Variants in SNX33 observed in about 807,000 individuals in gnomAD.
The protein encoded by SNX33 is sorting nexin 33.
Under a neutral mutation model 38.8 loss-of-function variants are expected in SNX33, and 19 were observed. That is an observed-to-expected ratio of 0.49 (90% CI 0.34 to 0.72). The LOEUF (loss-of-function observed/expected upper bound fraction) is 0.72. SNX33 is among the 30% of genes least tolerant of loss of function. The pLI, the probability that SNX33 is intolerant of heterozygous loss-of-function variation, is 0.01. For missense variants in SNX33, 641 were observed against 776.4 expected, an observed-to-expected ratio of 0.83 and a Z score of 2.07; for synonymous variants, 246 against 289.7, an observed-to-expected ratio of 0.85 and a Z score of 1.53.
chr15:75,657,080 G>T lies in SNX33; in HGVS notation c.1590G>T (p.Glu530Asp), dbSNP rs758795346. 6.2e-7 allele frequency: 1 copy of T among 1,614,206 alleles called. No individual in the cohort carries two copies. Among genetic ancestry groups the T allele is most frequent in the Admixed American group, 1.7e-5 (1 of 60,032 alleles). Residue 530 changes from glutamate (E) to aspartate (D), a missense_variant, in exon 2 of 2, where the codon GAG becomes GAT. Around this residue, in one of 2 missense-constraint regions of SNX33, gnomAD observed 398 missense variants for 542.5 expected, o/e 0.73. Transcript: ENST00000308527. This position sits in a 1 kb window ranked among gnomAD's most constrained non-coding sequence, Gnocchi z 5.5. ...TGGTGGGTTTCGCCCTGCAGGCCGAGATGAACCACTTCCACCAGCGCCGTG... is the reference window on the plus strand; with the variant it reads ...TGGTGGGTTTCGCCCTGCAGGCCGATATGAACCACTTCCACCAGCGCCGTG... ...CRVVGFALQA[E>D]MNHFHQRREL... is the part of the protein sequence containing the mutation.
At position 75,649,602 on chromosome 15, in the gene SNX33, A is replaced by G. The variant is rs989777038; in HGVS notation, c.500A>G (p.Gln167Arg). The G allele has an allele frequency of 6.2e-7, 1 of 1,613,874 alleles. No individual in the cohort carries two copies. Reference sequence around the variant, plus strand: ...CGGCCCAAGCCACCACTGGAGCGGCAGGACAGCCTGGCATCTGCCAAGCGA... The same window carrying G: ...CGGCCCAAGCCACCACTGGAGCGGCGGGACAGCCTGGCATCTGCCAAGCGA... ...AFRPKPPLER[Q>R]DSLASAKRGS... The change falls in exon 1 of 2, where the codon CAG becomes CGG. Residue 167 changes from glutamine to arginine, a missense_variant. This residue lies in a region of SNX33 where 243 missense variants were observed against 233.9 expected (regional missense o/e 1.04). Transcript: ENST00000308527. The surrounding 1 kb of genome is among the most constrained non-coding windows in gnomAD (Gnocchi z 6.6).
Position 75,657,334 on chromosome 15 carries a change from G to C in SNX33, c.*119G>C. 6.7e-7 allele frequency: 1 copy of C among 1,503,042 alleles called. No homozygotes were observed. Among genetic ancestry groups the C allele is most frequent in the South Asian group, 1.2e-5 (1 of 80,102 alleles). 93.1% of individuals were successfully genotyped at this position (1,503,042 alleles called of 1,614,324 possible). On this transcript the variant is annotated 3_prime_UTR_variant, in exon 2 of 2. Coordinates refer to ENST00000308527, the MANE Select transcript of SNX33 (RefSeq NM_153271.2). The surrounding 1 kb of genome is among the most constrained non-coding windows in gnomAD (Gnocchi z 5.5). Reference sequence around the variant, plus strand: ...GGGGTCAGCGGTGGGGGAGATAAGCGGCCTGTCCTGCCTCCTGGGAGAAGG... The same window carrying C: ...GGGGTCAGCGGTGGGGGAGATAAGCCGCCTGTCCTGCCTCCTGGGAGAAGG...
rs915146985 is a variant in SNX33, at chr15:75,662,098, A to G, written c.*4883A>G. On this transcript the variant is annotated 3_prime_UTR_variant, in exon 2 of 2. Coordinates refer to ENST00000308527, the MANE Select transcript of SNX33 (RefSeq NM_153271.2). ...ATGGTAGAAGTGTAATCTCACATCAATTTGGGGACCCTTTCTTTCCCCAGG... is the reference window on the plus strand; with the variant it reads ...ATGGTAGAAGTGTAATCTCACATCAGTTTGGGGACCCTTTCTTTCCCCAGG... The G allele has an allele frequency of 7.2e-5, 11 of 152,136 alleles. No individual in the cohort carries two copies. Among genetic ancestry groups the G allele is most frequent in the African/African-American group, 1.2e-4 (5 of 41,418 alleles). The allele number at this position is 152,136 out of a possible 1,614,324, so 9.4% of individuals were successfully genotyped here.
Position 75,649,920 on chromosome 15 carries a change from T to C in SNX33, c.818T>C (p.Leu273Pro). Residue 273 changes from leucine (L) to proline (P), a missense_variant, in exon 1 of 2, where the codon CTC (leucine) becomes CCC (proline). Around this residue, in one of 2 missense-constraint regions of SNX33, gnomAD observed 398 missense variants for 542.5 expected, o/e 0.73. Coordinates refer to ENST00000308527, the MANE Select transcript of SNX33 (RefSeq NM_153271.2). The surrounding 1 kb of genome is among the most constrained non-coding windows in gnomAD (Gnocchi z 6.6). ...VYRRYKHFDW[L>P]YNRLLHKFTV... Reference sequence around the variant, plus strand: ...CGGCGCTACAAACACTTTGACTGGCTCTATAACCGCCTGCTACACAAGTTC... The same window carrying C: ...CGGCGCTACAAACACTTTGACTGGCCCTATAACCGCCTGCTACACAAGTTC... 1 of 1,594,190 alleles carries C rather than the reference T, an allele frequency of 6.3e-7. No individual in the cohort carries two copies. Among genetic ancestry groups the C allele is most frequent in the Non-Finnish European group, 8.5e-7 (1 of 1,170,764 alleles).
Position 75,650,708 on chromosome 15 carries a change from G to T in SNX33, c.1471+135G>T. ...TCTCAATCATTCATTTAACAAATGT[G>T]TTGGGCTGGGCACGGTGGCTTACGC... On this transcript the variant is annotated intron_variant, in intron 1 of 1. Transcript: ENST00000308527. The surrounding 1 kb of genome is among the most constrained non-coding windows in gnomAD (Gnocchi z 6.1). 8.0e-7 allele frequency: 1 copy of T among 1,250,348 alleles called. No individual in the cohort carries two copies. Among genetic ancestry groups the T allele is most frequent in the Non-Finnish European group, 1.1e-6 (1 of 934,850 alleles). 77.5% of individuals were successfully genotyped at this position (1,250,348 alleles called of 1,614,324 possible). A position where few individuals can be genotyped will look rare whatever the true frequency, so the allele number is the denominator to read the frequency against.
chr15:75,649,550 G>A lies in SNX33; in HGVS notation c.448G>A (p.Ala150Thr), dbSNP rs753703376. The change falls in exon 1 of 2, where the codon GCC (alanine) becomes ACC (threonine). Residue 150 changes from alanine to threonine, a missense_variant. This residue lies in a region of SNX33 where 243 missense variants were observed against 233.9 expected (regional missense o/e 1.04). Transcript: ENST00000308527. The surrounding 1 kb of genome is among the most constrained non-coding windows in gnomAD (Gnocchi z 6.6). ...TCCCCTCAACCTCTCCTACCCTGGT[G>A]CCTACCCCAGCCAGCACATGGCCTT... ...HPPLNLSYPG[A>T]YPSQHMAFRP... The A allele has an allele frequency of 6.8e-6, 11 of 1,612,644 alleles. No individual in the cohort carries two copies. The South Asian group carries it at 1.2e-4, about 18-fold the overall frequency.
chr15:75,648,415 T>C lies in SNX33; in HGVS notation c.-688T>C. On this transcript the variant is annotated 5_prime_UTR_variant, in exon 1 of 2. Transcript: ENST00000308527. The surrounding 1 kb of genome is among the most constrained non-coding windows in gnomAD (Gnocchi z 4.4). ...GTCGAAGAGTTGGCGGCCTGTTGTG[T>C]AAGCCTCAGTCCTTGTTTTCCCGGC... 5 of 985,410 alleles carry C rather than the reference T, an allele frequency of 5.1e-6. No homozygotes were observed. The highest frequency in any genetic ancestry group is 6.0e-6 in the Non-Finnish European group (5 of 829,950). 61.0% of individuals were successfully genotyped at this position (985,410 alleles called of 1,614,324 possible). A position where few individuals can be genotyped will look rare whatever the true frequency, so the allele number is the denominator to read the frequency against.
intron 1 of SNX33, among the ~76,000 whole-genome samples, chr15:75,656,343 C>T (rs535666819): frequency 6.6e-6 from 1 of 152,224 alleles, no homozygotes; most frequent in African/African-American, 2.4e-5. Flanking sequence ...AGGAAAGAGC[C>T]AGGTGAGTTT....
Position 75,649,544 on chromosome 15 carries a change from C to G in SNX33, c.442C>G (p.Pro148Ala), listed in dbSNP as rs1471284538. 2 of 1,612,148 alleles carry G rather than the reference C, an allele frequency of 1.2e-6. No homozygotes were observed. The highest frequency in any genetic ancestry group is 3.3e-5 in the Admixed American group (2 of 59,844). ...NGHPPLNLSYPGAYPSQHMAF... is the reference protein window; with the variant it reads ...NGHPPLNLSYAGAYPSQHMAF... ...GCACCCTCCCCTCAACCTCTCCTAC[C>G]CTGGTGCCTACCCCAGCCAGCACAT... Residue 148 changes from proline to alanine, a missense_variant, in exon 1 of 2, where the codon CCT becomes GCT. Transcript: ENST00000308527. The surrounding 1 kb of genome is among the most constrained non-coding windows in gnomAD (Gnocchi z 6.6).
chr15:75,654,712 C>T (rs780698515), intron 1 of SNX33, among the ~76,000 whole-genome samples: 1 of 152,204 alleles, frequency 6.6e-6, no homozygotes, highest in African/African-American at 2.4e-5. Flanking sequence ...TTAGCTGGTC[C>T]TGGCCCCAGA....
In SNX33 at chr15:75,649,023, A is replaced by G. The variant is rs925423061; in HGVS notation, c.-80A>G. 19 of 1,497,020 alleles carry G rather than the reference A, an allele frequency of 1.3e-5. No individual in the cohort carries two copies. In the African/African-American group the frequency reaches 2.4e-4, roughly 19 times the overall value. 92.7% of individuals were successfully genotyped at this position (1,497,020 alleles called of 1,614,324 possible). A position where few individuals can be genotyped will look rare whatever the true frequency, so the allele number is the denominator to read the frequency against. Reference sequence around the variant, plus strand: ...GTAAGCGCCATTCAGCTGCGAGTGCATTCTTGGACTGCCTTGTGAGCATCC... The same window carrying G: ...GTAAGCGCCATTCAGCTGCGAGTGCGTTCTTGGACTGCCTTGTGAGCATCC... On this transcript the variant is annotated 5_prime_UTR_variant, in exon 1 of 2. Coordinates refer to ENST00000308527, the MANE Select transcript of SNX33 (RefSeq NM_153271.2). The surrounding 1 kb of genome is among the most constrained non-coding windows in gnomAD (Gnocchi z 6.6).
In SNX33 at chr15:75,657,398, C is replaced by T. The variant is rs1310397544; in HGVS notation, c.*183C>T. On this transcript the variant is annotated 3_prime_UTR_variant, in exon 2 of 2. Coordinates refer to ENST00000308527, the MANE Select transcript of SNX33 (RefSeq NM_153271.2). This position sits in a 1 kb window ranked among gnomAD's most constrained non-coding sequence, Gnocchi z 5.5. Reference sequence around the variant, plus strand: ...TCATGGGTGCCCCTGGGAAATTCCCCACTCCTTAGAAGTGGGGCACAGCAG... The same window carrying T: ...TCATGGGTGCCCCTGGGAAATTCCCTACTCCTTAGAAGTGGGGCACAGCAG... The T allele has an allele frequency of 1.7e-5, 17 of 1,008,630 alleles. No individual in the cohort carries two copies. The highest frequency in any genetic ancestry group is 3.2e-4 in the Middle Eastern group (1 of 3,138). The allele number at this position is 1,008,630 out of a possible 1,614,324, so 62.5% of individuals were successfully genotyped here.
rs372590049 is a variant in SNX33 at position 75,650,859 on chromosome 15, AAAACAAAC to A, written c.1471+310_1471+317del. Reference sequence around the variant, plus strand: ...GGTGACAGAGTGAGACCCTGTCTCTAAAACAAACAAACAAACAAACAAACAAACAAATG... The same window carrying A: ...GGTGACAGAGTGAGACCCTGTCTCTAAAACAAACAAACAAACAAACAAATG... On this transcript the variant is annotated intron_variant, in intron 1 of 1. Coordinates refer to ENST00000308527, the MANE Select transcript of SNX33 (RefSeq NM_153271.2). The surrounding 1 kb of genome is among the most constrained non-coding windows in gnomAD (Gnocchi z 6.1). Among the ~76,000 whole-genome samples, 90 of 152,172 alleles carry A rather than the reference AAAACAAAC, an allele frequency of 5.9e-4. No homozygotes were observed. The highest frequency in any genetic ancestry group is 1.7e-3 in the African/African-American group (71 of 41,468).
At position 75,650,817 on chromosome 15, in the gene SNX33, C is replaced by T. The variant is rs1249658295; in HGVS notation, c.1471+244C>T. ...GAGACTACAGTGAGCCCGATTGTGC[C>T]ACTGCACTCCAGCCTGGGTGACAGA... is the stretch of plus-strand genomic sequence containing the variant. On this transcript the variant is annotated intron_variant, in intron 1 of 1. Transcript: ENST00000308527. This position sits in a 1 kb window ranked among gnomAD's most constrained non-coding sequence, Gnocchi z 6.1. 2.6e-5 allele frequency among the ~76,000 whole-genome samples: 4 copies of T among 152,192 alleles called. No individual in the cohort carries two copies. The highest frequency in any genetic ancestry group is 4.4e-5 in the Non-Finnish European group (3 of 68,040).
At position 75,657,303 on chromosome 15, in the gene SNX33, G is replaced by C. The variant is rs780633971; in HGVS notation, c.*88G>C. Reference sequence around the variant, plus strand: ...CGACCTCCCTATACCAGCAGTGACTGGGGGAGGGGTCAGCGGTGGGGGAGA... The same window carrying C: ...CGACCTCCCTATACCAGCAGTGACTCGGGGAGGGGTCAGCGGTGGGGGAGA... On this transcript the variant is annotated 3_prime_UTR_variant, in exon 2 of 2. Coordinates refer to ENST00000308527, the MANE Select transcript of SNX33 (RefSeq NM_153271.2). This position sits in a 1 kb window ranked among gnomAD's most constrained non-coding sequence, Gnocchi z 5.5. The C allele has an allele frequency of 1.5e-5, 24 of 1,570,626 alleles. No homozygotes were observed. Among genetic ancestry groups the C allele is most frequent in the Non-Finnish European group, 1.9e-5 (22 of 1,156,758 alleles).
In SNX33 at chr15:75,649,296, C is replaced by T; in HGVS notation, c.194C>T (p.Thr65Ile). The change falls in exon 1 of 2, where the codon ACC (threonine) becomes ATC (isoleucine). Residue 65 changes from threonine (T) to isoleucine (I), a missense_variant. Physicochemically the swap from Thr to Ile is moderately conservative, Grantham distance 89. Transcript: ENST00000308527. This position sits in a 1 kb window ranked among gnomAD's most constrained non-coding sequence, Gnocchi z 6.6. ...YVEIVRSGIS[T>I]NHADYSSSPA... ...GAGATCGTCCGTTCTGGCATCAGCA[C>T]CAACCATGCTGACTACTCCAGCAGC... 1.2e-6 allele frequency: 2 copies of T among 1,609,376 alleles called. No individual in the cohort carries two copies. The highest frequency in any genetic ancestry group is 1.7e-6 in the Non-Finnish European group (2 of 1,177,020).
In SNX33 at chr15:75,648,285, C is replaced by G. The variant is rs1441549065; in HGVS notation, c.-818C>G. 3.0e-6 allele frequency: 3 copies of G among 985,340 alleles called. No individual in the cohort carries two copies. The highest frequency in any genetic ancestry group is 3.6e-6 in the Non-Finnish European group (3 of 829,934). The allele number at this position is 985,340 out of a possible 1,614,324, so 61.0% of individuals were successfully genotyped here. ...ACTCAGCGAGTGGCTAGAAGTCGCC[C>G]GACAGCCTCGTCGCGCCCCCTCCTT... On this transcript the variant is annotated 5_prime_UTR_variant, in exon 1 of 2. Coordinates refer to ENST00000308527, the MANE Select transcript of SNX33 (RefSeq NM_153271.2). This position sits in a 1 kb window ranked among gnomAD's most constrained non-coding sequence, Gnocchi z 4.4.
In SNX33 at chr15:75,650,721, CG is replaced by C; in HGVS notation, c.1471+150del. The C allele has an allele frequency of 8.8e-7, 1 of 1,138,494 alleles. No individual in the cohort carries two copies. Among genetic ancestry groups the C allele is most frequent in the South Asian group, 1.9e-5 (1 of 53,214 alleles). The allele number at this position is 1,138,494 out of a possible 1,614,324, so 70.5% of individuals were successfully genotyped here. A position where few individuals can be genotyped will look rare whatever the true frequency, so the allele number is the denominator to read the frequency against. On this transcript the variant is annotated intron_variant, in intron 1 of 1. Coordinates refer to ENST00000308527, the MANE Select transcript of SNX33 (RefSeq NM_153271.2). The surrounding 1 kb of genome is among the most constrained non-coding windows in gnomAD (Gnocchi z 6.1). Reference sequence around the variant, plus strand: ...TTTAACAAATGTGTTGGGCTGGGCACGGTGGCTTACGCTTGTAATCTCAGCA... The same window carrying C: ...TTTAACAAATGTGTTGGGCTGGGCACGTGGCTTACGCTTGTAATCTCAGCA...
rs754833055 is a variant in SNX33 at position 75,649,057 on chromosome 15, G to T, written c.-46G>T. On this transcript the variant is annotated 5_prime_UTR_variant, in exon 1 of 2. Coordinates refer to ENST00000308527, the MANE Select transcript of SNX33 (RefSeq NM_153271.2). This position sits in a 1 kb window ranked among gnomAD's most constrained non-coding sequence, Gnocchi z 6.6. The stretch of plus-strand genomic sequence containing the variant: ...CTGCCTTGTGAGCATCCCCGGTCTG[G>T]GCAGGACCCTCTCCTTCCCATCTTT... The T allele has an allele frequency of 9.1e-6, 14 of 1,542,398 alleles. No individual in the cohort carries two copies. In the Admixed American group the frequency reaches 1.2e-4, roughly 13 times the overall value.
Sources: gnomAD v4.1 joint callset for allele counts (sites outside exome capture counted in the v4.1 genomes callset) on GRCh38, gnomAD v4.1.1 for gene constraint, gnomAD v4.1.1 regional missense constraint, Gnocchi (gnomAD v3.1) non-coding constraint, MANE v1.5 for transcripts, NCBI Gene and HGNC (gene_info 2026-07-23, HGNC 2026-07-21) for gene names.